The following ZBTB20 variants were observed in gnomAD, a reference collection of about 807,000 sequenced individuals.
ZBTB20 encodes the protein zinc finger and BTB domain-containing protein 20.
A neutral mutation model predicts 56.9 loss-of-function variants in ZBTB20; 9 were observed. The ratio of observed to expected loss-of-function variants is 0.16; its 90% CI spans 0.10 to 0.28. ZBTB20 has a LOEUF of 0.28. Ranked by LOEUF, ZBTB20 falls within the 10% of genes least tolerant of loss-of-function variation. ZBTB20 has a pLI of 1.00. For missense variants in ZBTB20, 655 were observed against 1,003.0 expected, an observed-to-expected ratio of 0.65 and a Z score of 4.69; for synonymous variants, 417 against 420.7, an observed-to-expected ratio of 0.99 and a Z score of 0.11.
At chr3:114,551,722 A>G (rs1020776007) in intron 6 of ZBTB20, among the ~76,000 whole-genome samples, 3 of 152,226 alleles carry the variant, frequency 2.0e-5, no homozygotes, top group Non-Finnish European at 4.4e-5. Context: ...GCCACTTATC[A>G]TATGTTCAAT....
intron 6 of ZBTB20, among the ~76,000 whole-genome samples, chr3:114,645,391 G>T (rs936900535): frequency 6.6e-6 from 1 of 152,020 alleles, no homozygotes; most frequent in Non-Finnish European, 1.5e-5. Flanking sequence ...TAATTATATA[G>T]GCAAATGGTG....
At chr3:114,420,453 A>G (rs1180888905) in intron 7 of ZBTB20, among the ~76,000 whole-genome samples, 2 of 152,162 alleles carry the variant, frequency 1.3e-5, no homozygotes, top group African/African-American at 2.4e-5. Context: ...TAGGGCACCC[A>G]TTGGAGCTGA....
rs1165416365 is a variant in ZBTB20 at position 114,332,524 on chromosome 3, A to G, written c.*6481T>C. On this transcript the variant is annotated 3_prime_UTR_variant, in exon 12 of 12. Coordinates refer to ENST00000675478, the MANE Select transcript of ZBTB20 (RefSeq NM_001348800.3). Reference sequence around the variant, plus strand: ...TGAAATAGAATAGGAAATAGCAGCCACTATCTGAGAGTACCCAGTTCTAGG... The same window carrying G: ...TGAAATAGAATAGGAAATAGCAGCCGCTATCTGAGAGTACCCAGTTCTAGG... The G allele has an allele frequency of 1.3e-5, 2 of 152,218 alleles. No homozygotes were observed. The highest frequency in any genetic ancestry group is 2.9e-5 in the Non-Finnish European group (2 of 68,036). 9.4% of individuals were successfully genotyped at this position (152,218 alleles called of 1,614,324 possible).
chr3:114,422,428 G>A (rs988676832), intron 7 of ZBTB20, among the ~76,000 whole-genome samples: 4 of 152,050 alleles, frequency 2.6e-5, no homozygotes, highest in East Asian at 1.9e-4. Flanking sequence ...GACGTTACCC[G>A]CCTTACATGA....
chr3:114,754,162 G>A (rs529535694), intron 5 of ZBTB20, among the ~76,000 whole-genome samples: 3 of 152,224 alleles, frequency 2.0e-5, no homozygotes, highest in South Asian at 2.1e-4. Flanking sequence ...CCTCACCTGC[G>A]AACTGGGGAG....
At chr3:114,400,131 G>C (rs1386436501) in intron 7 of ZBTB20, among the ~76,000 whole-genome samples, 1 of 152,168 alleles carries the variant, frequency 6.6e-6, no homozygotes. Flanking sequence ...CAGAGCACTA[G>C]ATGGAGAATC....
intron 7 of ZBTB20, among the ~76,000 whole-genome samples, chr3:114,404,499 C>T (rs2087117225): frequency 6.6e-6 from 1 of 152,056 alleles, no homozygotes; most frequent in South Asian, 2.1e-4. Flanking sequence ...GAAAACAGGT[C>T]ATAAAAATAC....
Position 114,351,574 on chromosome 3 carries a change from C to T in ZBTB20, c.504G>A (p.Ser168=), listed in dbSNP as rs780169809. 4 of 1,613,914 alleles carry T rather than the reference C, an allele frequency of 2.5e-6. No homozygotes were observed. Among genetic ancestry groups the T allele is most frequent in the African/African-American group, 1.3e-5 (1 of 74,894 alleles). ...CGGCCGTGAGGATCTGCAGAGCTTC[C>T]GACTGCGAGACCCGTAGCACGCCGC... ...MYSGVLRVSQ[S]EALQILTAAS... The change falls in exon 11 of 12, where the codon TCG becomes TCA. Residue 168 remains serine (S), a synonymous_variant. Coordinates refer to ENST00000675478, the MANE Select transcript of ZBTB20 (RefSeq NM_001348800.3).
At chr3:114,531,613 T>C (rs2047852456) in intron 6 of ZBTB20, among the ~76,000 whole-genome samples, 1 of 152,150 alleles carries the variant, frequency 6.6e-6, no homozygotes, top group African/African-American at 2.4e-5. Flanking sequence ...AGAAAGATTT[T>C]TGGGGAGGGG....
chr3:114,618,238 CTTTTTT>C (rs111549198), intron 6 of ZBTB20, among the ~76,000 whole-genome samples: 1 of 119,292 alleles, frequency 8.4e-6, no homozygotes, highest in South Asian at 2.7e-4. Context: ...TGTTTCTTTC[CTTTTTT>C]TTTTTTTTTT....
chr3:114,572,302 T>C (rs1375393026), intron 6 of ZBTB20, among the ~76,000 whole-genome samples: 2 of 152,216 alleles, frequency 1.3e-5, no homozygotes, highest in African/African-American at 2.4e-5. Flanking sequence ...TAGATGCTAG[T>C]AAGATAGATT....
Position 114,318,502 on chromosome 3 carries a change from T to C in ZBTB20, c.*20503A>G, listed in dbSNP as rs548673882. On this transcript the variant is annotated 3_prime_UTR_variant, in exon 12 of 12. Transcript: ENST00000675478. ...GCAGTGTGCTCTCTTGGCAGCCTCATCTCAGGATGGGAAAGTGTGGTTGCC... is the reference window on the plus strand; with the variant it reads ...GCAGTGTGCTCTCTTGGCAGCCTCACCTCAGGATGGGAAAGTGTGGTTGCC... 4 of 152,430 alleles carry C rather than the reference T, an allele frequency of 2.6e-5. No homozygotes were observed. The South Asian group carries it at 6.2e-4, about 24-fold the overall frequency. 9.4% of individuals were successfully genotyped at this position (152,430 alleles called of 1,614,324 possible).
chr3:114,817,598 C>T (rs1055369742), intron 4 of ZBTB20, among the ~76,000 whole-genome samples: 11 of 151,562 alleles, frequency 7.3e-5, no homozygotes, highest in African/African-American at 2.2e-4. Flanking sequence ...CAGAGGCATA[C>T]ATATATGCCT....
intron 6 of ZBTB20, among the ~76,000 whole-genome samples, chr3:114,613,810 C>T (rs1329566664): frequency 1.3e-5 from 2 of 151,936 alleles, no homozygotes; most frequent in Admixed American, 6.6e-5. Context: ...CAAGTATTAA[C>T]CATGATCCTA....
intron 2 of ZBTB20, among the ~76,000 whole-genome samples, chr3:115,032,208 C>T (rs1050719404): frequency 3.3e-5 from 5 of 151,138 alleles, no homozygotes; most frequent in African/African-American, 9.7e-5. Context: ...GTCCAGATTG[C>T]GCTTTCTTTA....
At chr3:114,965,826 G>A (rs1294837956) in intron 3 of ZBTB20, among the ~76,000 whole-genome samples, 1 of 151,834 alleles carries the variant, frequency 6.6e-6, no homozygotes, top group Admixed American at 6.6e-5. Context: ...CGTCTATTCA[G>A]GTCCTTTGCC....
intron 2 of ZBTB20, among the ~76,000 whole-genome samples, chr3:115,042,929 T>C (rs2081197234): frequency 6.6e-6 from 1 of 152,242 alleles, no homozygotes; most frequent in African/African-American, 2.4e-5. Context: ...TCTTTGATCA[T>C]AAGTGTTGAG....
intron 2 of ZBTB20, among the ~76,000 whole-genome samples, chr3:115,035,544 A>C (rs922358947): frequency 4.7e-5 from 7 of 147,858 alleles, no homozygotes; most frequent in Non-Finnish European, 1.1e-4. Flanking sequence ...GCTACTATCA[A>C]ACACACACAC....
At chr3:114,990,223 G>A (rs1450897929) in intron 2 of ZBTB20, among the ~76,000 whole-genome samples, 1 of 152,154 alleles carries the variant, frequency 6.6e-6, no homozygotes, top group Non-Finnish European at 1.5e-5. Flanking sequence ...CATTCAGTAT[G>A]ATATTGGCTG....
Sources: gnomAD v4.1 joint callset for allele counts (sites outside exome capture counted in the v4.1 genomes callset) on GRCh38, gnomAD v4.1.1 for gene constraint, MANE v1.5 for transcripts, NCBI Gene and HGNC (gene_info 2026-07-23, HGNC 2026-07-21) for gene names.